The following SLK variants were observed in gnomAD, a reference collection of about 807,000 sequenced individuals.
SLK encodes STE20 like kinase.
In SLK, 67 loss-of-function variants were observed where a neutral mutation model predicts 147.7. That is an observed-to-expected ratio of 0.45 (90% confidence interval 0.37 to 0.56). SLK has a LOEUF of 0.56. Among genes scored for constraint, SLK ranks in the 20% least tolerant of loss-of-function variants. The pLI is 0.00. For missense variants in SLK, 1,136 were observed against 1,438.8 expected (o/e 0.79, Z 3.41); for synonymous variants, 441 against 475.0 (o/e 0.93, Z 0.93).
Position 104,003,294 on chromosome 10 carries a change from C to T in SLK, c.2116C>T (p.Gln706Ter). Residue 706 changes from glutamine (Q) to a stop codon, truncating the protein, a stop_gained, in exon 9 of 19, where the codon CAG becomes TAG. Transcript: ENST00000369755. LOFTEE classifies it high-confidence loss of function. ...TGTAGTTTCACAGCCCACTGAACCT[C>T]AGCCTGTTCTAATACCCAGTATTAA... ...VTVVSQPTEP[Q>*]PVLIPSININ... is the part of the protein sequence containing the mutation. 2 of 1,614,078 alleles carry T rather than the reference C, an allele frequency of 1.2e-6. No homozygotes were observed. The highest frequency in any genetic ancestry group is 1.7e-6 in the Non-Finnish European group (2 of 1,179,938).
intron 11 of SLK, among the ~76,000 whole-genome samples, chr10:104,007,371 T>C (rs1316380533): frequency 2.0e-5 from 3 of 152,066 alleles, no homozygotes; most frequent in African/African-American, 7.2e-5. Flanking sequence ...TTTGGGAGGC[T>C]GAAGTGGGCA....
intron 13 of SLK, among the ~76,000 whole-genome samples, chr10:104,014,796 C>G (rs534776532): frequency 4.6e-5 from 7 of 152,052 alleles, no homozygotes; most frequent in Non-Finnish European, 1.0e-4. Context: ...TTAAAGGGCA[C>G]TCATTTTACA....
At position 104,021,634 on chromosome 10, in the gene SLK, C is replaced by G; in HGVS notation, c.3462C>G (p.His1154Gln). 1.3e-6 allele frequency: 2 copies of G among 1,597,710 alleles called. No homozygotes were observed. The highest frequency in any genetic ancestry group is 1.7e-6 in the Non-Finnish European group (2 of 1,173,668). Residue 1154 changes from histidine to glutamine, a missense_variant, in exon 18 of 19, where the codon CAC becomes CAG. Physicochemically the swap from His to Gln is conservative, Grantham distance 24. Around this residue, in one of 6 missense-constraint regions of SLK, gnomAD observed 327 missense variants for 457.5 expected, o/e 0.71. Coordinates refer to ENST00000369755, the MANE Select transcript of SLK (RefSeq NM_014720.4). The part of the protein sequence containing the change: ...ELHQLQNEKC[H>Q]LLVEHETQKL... ...TTTATTTTCAGAATGAAAAATGCCA[C>G]TTGTTGGTTGAGCATGAGACTCAGA...
chr10:103,989,552 T>C (rs1455510522), intron 1 of SLK, among the ~76,000 whole-genome samples: 1 of 140,332 alleles, frequency 7.1e-6, no homozygotes, highest in Non-Finnish European at 1.5e-5. Flanking sequence ...CACTGCAAGC[T>C]CCACCTCCCA....
At chr10:103,994,264 A>G (rs1479525727) in intron 4 of SLK, among the ~76,000 whole-genome samples, 1 of 152,224 alleles carries the variant, frequency 6.6e-6, no homozygotes, top group East Asian at 1.9e-4. Context: ...CTTTGTAATC[A>G]CTACCTAGAT....
Position 104,008,346 on chromosome 10 carries a change from G to A in SLK, c.2774G>A (p.Arg925Gln), listed in dbSNP as rs554070501. The A allele has an allele frequency of 3.5e-5, 56 of 1,605,938 alleles. No individual in the cohort carries two copies. Among genetic ancestry groups the A allele is most frequent in the Non-Finnish European group, 4.5e-5 (53 of 1,176,808 alleles). ...LSKFQNMLKNRKKEVINEVEK... is the reference protein window; with the variant it reads ...LSKFQNMLKNQKKEVINEVEK... ...AAATTTCAGAATATGCTGAAGAACC[G>A]AAAGAAGGAGGTAAGTGTAAACTAC... The change falls in exon 12 of 19, where the codon CGA becomes CAA. Residue 925 changes from arginine (R) to glutamine (Q), a missense_variant. By Grantham distance (43) the Arg-to-Gln change is conservative. Transcript: ENST00000369755.
intron 1 of SLK, among the ~76,000 whole-genome samples, chr10:103,983,841 C>G (rs147284949): frequency 6.6e-6 from 1 of 152,102 alleles, no homozygotes; most frequent in Non-Finnish European, 1.5e-5. Context: ...TCACAGGACC[C>G]CTCTTCAGAG....
chr10:104,004,931 G>A (rs906305846), intron 9 of SLK, among the ~76,000 whole-genome samples: 1 of 152,128 alleles, frequency 6.6e-6, no homozygotes, highest in Admixed American at 6.5e-5. Context: ...TGCAGCAGAG[G>A]CACTGTCTTT....
intron 1 of SLK, among the ~76,000 whole-genome samples, chr10:103,975,156 T>C (rs1347609366): frequency 6.6e-6 from 1 of 152,050 alleles, no homozygotes; most frequent in Middle Eastern, 3.2e-3. Context: ...AATTACCATC[T>C]AAGTGCAATT....
At chr10:104,005,503 T>C (rs1589539912) in intron 9 of SLK, 58 bp from the exon 10 acceptor site, 2 of 1,479,162 alleles carry the variant, frequency 1.4e-6, no homozygotes, top group East Asian at 2.3e-5. Flanking sequence ...AAGAAGAAAA[T>C]GTTTTCTACC....
At chr10:104,005,416 T>G in intron 9 of SLK, 145 bp from the exon 10 acceptor site, 1 of 671,980 alleles carries the variant, frequency 1.5e-6, no homozygotes, top group Non-Finnish European at 2.4e-6. Context: ...GTCTATTGCT[T>G]TATATTTATA....
At chr10:104,007,071 GTTTAT>G (rs1414190430) in intron 11 of SLK, among the ~76,000 whole-genome samples, 6 of 151,908 alleles carry the variant, frequency 3.9e-5, no homozygotes, top group Admixed American at 6.6e-5. Context: ...AGAATAAGGT[GTTTAT>G]TTTAAGAATC....
rs750134433 is a variant in SLK at position 104,019,683 on chromosome 10, G to A, written c.3133-51G>A. 3 of 1,326,454 alleles carry A rather than the reference G, an allele frequency of 2.3e-6. No homozygotes were observed. The East Asian group carries it at 6.9e-5, about 31-fold the overall frequency. The allele number at this position is 1,326,454 out of a possible 1,614,324, so 82.2% of individuals were successfully genotyped here. A position where few individuals can be genotyped will look rare whatever the true frequency, so the allele number is the denominator to read the frequency against. ...AATGACATATTTGAATATGCATGTG[G>A]GTACTGACTATTGTTTCTGCGTCAC... On this transcript the variant is annotated intron_variant, in intron 15 of 18. Transcript: ENST00000369755.
intron 2 of SLK, 112 bp downstream of exon 2, chr10:103,990,951 C>T: frequency 1.9e-6 from 1 of 518,214 alleles, no homozygotes; most frequent in Non-Finnish European, 3.1e-6. Flanking sequence ...TATTTAGTTA[C>T]TTGTGTCACT....
At chr10:104,016,033 T>G (rs1338631917) in intron 13 of SLK, among the ~76,000 whole-genome samples, 12 of 152,138 alleles carry the variant, frequency 7.9e-5, no homozygotes, top group Admixed American at 7.9e-4. Context: ...AATTTTACAG[T>G]TGAGGCTGGG....
chr10:103,996,491 C>T (rs560997915), intron 4 of SLK, among the ~76,000 whole-genome samples: 6 of 151,288 alleles, frequency 4.0e-5, no homozygotes, highest in African/African-American at 1.2e-4. Context: ...CTCTGCCTCC[C>T]GGGTTCACGC....
intron 1 of SLK, among the ~76,000 whole-genome samples, chr10:103,981,580 C>G (rs2134454322): frequency 6.6e-6 from 1 of 152,146 alleles, no homozygotes; most frequent in Non-Finnish European, 1.5e-5. Context: ...TTCAGATTTC[C>G]CAGTACCATT....
intron 1 of SLK, among the ~76,000 whole-genome samples, chr10:103,984,426 T>G (rs1564652391): frequency 6.6e-6 from 1 of 152,108 alleles, no homozygotes; most frequent in African/African-American, 2.4e-5. Context: ...TTATTTTATG[T>G]TTTTTGAGAC....
At chr10:104,014,690 T>C (rs1844440206) in intron 13 of SLK, among the ~76,000 whole-genome samples, 1 of 152,168 alleles carries the variant, frequency 6.6e-6, no homozygotes, top group African/African-American at 2.4e-5. Flanking sequence ...CATAACCCTT[T>C]CTTACAGTTT....
Sources: gnomAD v4.1 joint callset for allele counts (sites outside exome capture counted in the v4.1 genomes callset) on GRCh38, gnomAD v4.1.1 for gene constraint, gnomAD v4.1.1 regional missense constraint, MANE v1.5 for transcripts, NCBI Gene and HGNC (gene_info 2026-07-23, HGNC 2026-07-21) for gene names.